The following PREP variants were observed in gnomAD, a reference collection of about 807,000 sequenced individuals.
PREP encodes the protein prolyl endopeptidase.
A neutral mutation model predicts 87.6 loss-of-function variants in PREP; 29 were observed. That is an observed-to-expected ratio of 0.33 (90% CI 0.25 to 0.45). The LOEUF (loss-of-function observed/expected upper bound fraction) is 0.45, where lower values mean the gene tolerates loss of function less well. Ranked by LOEUF, PREP falls within the 20% of genes least tolerant of loss-of-function variation. PREP has a pLI of 1.00. For synonymous variants in PREP, 337 were observed against 328.6 expected (o/e 1.03, Z -0.28); for missense variants, 695 against 886.5 (o/e 0.78, Z 2.74).
intron 10 of PREP, among the ~76,000 whole-genome samples, chr6:105,295,157 C>CTTTTTTTTTT (rs10586996): frequency 1.5e-5 from 2 of 132,588 alleles, no homozygotes; most frequent in Non-Finnish European, 1.7e-5. Context: ...CAATGTTTTC[C>CTTTTTTTTTT]TTTTTTTTTT....
intron 10 of PREP, among the ~76,000 whole-genome samples, chr6:105,304,139 TACA>T (rs1363682990): frequency 2.0e-5 from 3 of 152,082 alleles, no homozygotes; most frequent in Non-Finnish European, 2.9e-5. Context: ...AAAATAATAA[TACA>T]ACAATAAAAA....
intron 12 of PREP, among the ~76,000 whole-genome samples, chr6:105,283,693 G>C (rs1000545301): frequency 6.6e-6 from 1 of 152,138 alleles, no homozygotes; most frequent in Non-Finnish European, 1.5e-5. Flanking sequence ...TCATATCCTA[G>C]GCTATAACTG....
intron 1 of PREP, among the ~76,000 whole-genome samples, chr6:105,398,175 G>A (rs17065904): frequency 0.049 from 7,458 of 152,238 alleles, 274 homozygotes; most frequent in South Asian, 0.13. Flanking sequence ...ACAGGAAACC[G>A]CTCTGTCCCT....
chr6:105,314,680 C>T (rs564392314), intron 10 of PREP, among the ~76,000 whole-genome samples: 1 of 152,312 alleles, frequency 6.6e-6, no homozygotes, highest in African/African-American at 2.4e-5. Flanking sequence ...TGACTTCCCC[C>T]ATAGAGGTCC....
intron 10 of PREP, among the ~76,000 whole-genome samples, chr6:105,299,543 A>T (rs1770487651): frequency 1.3e-5 from 2 of 152,216 alleles, no homozygotes; most frequent in Admixed American, 1.3e-4. Context: ...AAGTTGCAGT[A>T]AGCCGAGATT....
intron 7 of PREP, among the ~76,000 whole-genome samples, chr6:105,342,147 C>A (rs1271686749): frequency 6.6e-6 from 1 of 152,218 alleles, no homozygotes; most frequent in African/African-American, 2.4e-5. Flanking sequence ...GAAATACTGG[C>A]AAACCGAATC....
intron 8 of PREP, among the ~76,000 whole-genome samples, chr6:105,329,386 C>G (rs1472361595): frequency 6.6e-6 from 1 of 152,166 alleles, no homozygotes; most frequent in Non-Finnish European, 1.5e-5. Flanking sequence ...CTCCTGGCCT[C>G]AAGAGATCTG....
rs191108997 is a variant in PREP at position 105,379,684 on chromosome 6, C to T, written c.121-2165G>A. On this transcript the variant is annotated intron_variant, in intron 2 of 14. Coordinates refer to ENST00000652536, the MANE Select transcript of PREP (RefSeq NM_002726.5). ...ATGATTTTCTTCTGCATGAACTGGGCTGTGCTGGGTAGGAACATCAGGGAG... is the reference window on the plus strand; with the variant it reads ...ATGATTTTCTTCTGCATGAACTGGGTTGTGCTGGGTAGGAACATCAGGGAG... 2.1e-3 allele frequency among the ~76,000 whole-genome samples: 325 copies of T among 152,314 alleles called. 1 individual carries two copies. Among genetic ancestry groups the T allele is most frequent in the African/African-American group, 7.2e-3 (299 of 41,570 alleles).
At chr6:105,363,910 G>A (rs1214978733) in intron 6 of PREP, among the ~76,000 whole-genome samples, 1 of 152,142 alleles carries the variant, frequency 6.6e-6, no homozygotes, top group Admixed American at 6.5e-5. Flanking sequence ...AAAGTACAGA[G>A]TTTCCTAAAA....
intron 2 of PREP, among the ~76,000 whole-genome samples, chr6:105,394,891 C>T (rs1161529631): frequency 3.3e-5 from 5 of 152,208 alleles, no homozygotes; most frequent in Non-Finnish European, 5.9e-5. Context: ...AAGGCTACTG[C>T]AACAAGTAAT....
At chr6:105,400,574 C>T (rs1245803654) in intron 1 of PREP, among the ~76,000 whole-genome samples, 1 of 151,958 alleles carries the variant, frequency 6.6e-6, no homozygotes, top group East Asian at 1.9e-4. Flanking sequence ...TCACATAATG[C>T]CTCCCCCTCC....
At chr6:105,339,781 G>C (rs552052244) in intron 7 of PREP, among the ~76,000 whole-genome samples, 6 of 152,050 alleles carry the variant, frequency 3.9e-5, no homozygotes, top group African/African-American at 1.4e-4. Context: ...TGGAAGAAAG[G>C]GTATCAGTGA....
chr6:105,332,295 G>A (rs1562203406), intron 8 of PREP, among the ~76,000 whole-genome samples: 1 of 151,622 alleles, frequency 6.6e-6, no homozygotes, highest in Non-Finnish European at 1.5e-5. Context: ...CTGCTCCCCT[G>A]CCACCCCCAA....
At chr6:105,290,470 C>G (rs951366780) in intron 10 of PREP, among the ~76,000 whole-genome samples, 1 of 151,846 alleles carries the variant, frequency 6.6e-6, no homozygotes, top group African/African-American at 2.4e-5. Flanking sequence ...AGCTTCTCAT[C>G]TAGTTTCAAA....
intron 10 of PREP, chr6:105,322,722 T>C (rs1411027662): frequency 1.0e-6 from 1 of 1,003,856 alleles, no homozygotes. Context: ...ACTGCTGATG[T>C]AGAACAGGGG....
At chr6:105,361,970 G>A (rs967980199) in intron 6 of PREP, among the ~76,000 whole-genome samples, 1 of 152,122 alleles carries the variant, frequency 6.6e-6, no homozygotes, top group Non-Finnish European at 1.5e-5. Context: ...TGGTACAACA[G>A]CAATAGAAGA....
chr6:105,293,912 T>G (rs971795827), intron 10 of PREP, among the ~76,000 whole-genome samples: 1 of 152,208 alleles, frequency 6.6e-6, no homozygotes, highest in African/African-American at 2.4e-5. Context: ...CTTCTTTGAT[T>G]TAACCAAAAC....
chr6:105,295,157 C>CTT lies in PREP; in HGVS notation c.1318-6265_1318-6264dup, dbSNP rs10586996. ...TTCAAGAGTAGTTTCCAATGTTTTC[C>CTT]TTTTTTTTTTTTTTTTATTTCTGAC... On this transcript the variant is annotated intron_variant, in intron 10 of 14. Coordinates refer to ENST00000652536, the MANE Select transcript of PREP (RefSeq NM_002726.5). Among the ~76,000 whole-genome samples, 493 of 132,612 alleles carry CTT rather than the reference C, an allele frequency of 3.7e-3. 4 individuals are homozygous for CTT. Among genetic ancestry groups the CTT allele is most frequent in the African/African-American group, 0.013 (478 of 37,012 alleles). The allele number at this position is 132,612 out of a possible 152,430, so 87.0% of individuals were successfully genotyped here.
At position 105,282,394 on chromosome 6, in the gene PREP, T is replaced by C. The variant is rs1040997551; in HGVS notation, c.1681+57A>G. On this transcript the variant is annotated intron_variant, in intron 13 of 14. Coordinates refer to ENST00000652536, the MANE Select transcript of PREP (RefSeq NM_002726.5). Reference sequence around the variant, plus strand: ...TCAAGAGCTGCCTACAGATGGTGTATCTGAAAACCCCAAGAGGGCTAACTA... The same window carrying C: ...TCAAGAGCTGCCTACAGATGGTGTACCTGAAAACCCCAAGAGGGCTAACTA... The C allele has an allele frequency of 1.2e-5, 19 of 1,564,934 alleles. No individual in the cohort carries two copies. The highest frequency in any genetic ancestry group is 2.7e-5 in the African/African-American group (2 of 73,166).
Sources: gnomAD v4.1 joint callset for allele counts (sites outside exome capture counted in the v4.1 genomes callset) on GRCh38, gnomAD v4.1.1 for gene constraint, MANE v1.5 for transcripts, NCBI Gene and HGNC (gene_info 2026-07-23, HGNC 2026-07-21) for gene names.